Variants in GFRA2 observed in about 807,000 individuals in gnomAD.
GFRA2 encodes GDNF family receptor alpha-2.
GFRA2 carries 17 observed loss-of-function variants against 48.3 expected under a neutral mutation model. That is an observed-to-expected ratio of 0.35 (90% CI 0.24 to 0.53). The LOEUF (loss-of-function observed/expected upper bound fraction) is 0.53. GFRA2 is among the 20% of genes least tolerant of loss of function. The pLI is 0.93. For missense variants in GFRA2, 660 were observed against 637.3 expected (o/e 1.04, Z -0.38); for synonymous variants, 305 against 257.2 (o/e 1.19, Z -1.78).
intron 6 of GFRA2, among the ~76,000 whole-genome samples, chr8:21,704,307 C>G: frequency 6.6e-6 from 1 of 152,210 alleles, no homozygotes; most frequent in African/African-American, 2.4e-5. Flanking sequence ...CTGGGCTCCT[C>G]AAGAACCCTG....
chr8:21,776,139 G>A (rs1196205508), intron 2 of GFRA2, among the ~76,000 whole-genome samples: 1 of 152,078 alleles, frequency 6.6e-6, no homozygotes, highest in Non-Finnish European at 1.5e-5. Flanking sequence ...CACAGGTGGG[G>A]CAGCCTCTTC....
intron 4 of GFRA2, among the ~76,000 whole-genome samples, chr8:21,729,795 G>A (rs1687252766): frequency 6.6e-6 from 1 of 152,106 alleles, no homozygotes. Flanking sequence ...AGTCACCAGA[G>A]AACGACTCTC....
chr8:21,804,474 G>A (rs1949797139), intron 2 of GFRA2, among the ~76,000 whole-genome samples: 1 of 150,924 alleles, frequency 6.6e-6, no homozygotes, highest in Non-Finnish European at 1.5e-5. Context: ...ATATGCCCTA[G>A]GGATGATGCA....
chr8:21,739,821 A>T (rs1279205968), intron 4 of GFRA2, among the ~76,000 whole-genome samples: 4 of 152,218 alleles, frequency 2.6e-5, no homozygotes, highest in African/African-American at 9.6e-5. Context: ...GGAAGATTGA[A>T]AGCCGAAAAG....
chr8:21,746,857 G>A (rs11984516), intron 4 of GFRA2, among the ~76,000 whole-genome samples: 6,245 of 151,926 alleles, frequency 0.041, 422 homozygotes, highest in African/African-American at 0.14. Context: ...TGACACAGAC[G>A]TTCTCCAAGC....
At chr8:21,703,479 G>T (rs747976261) in intron 6 of GFRA2, among the ~76,000 whole-genome samples, 12 of 152,058 alleles carry the variant, frequency 7.9e-5, no homozygotes, top group Non-Finnish European at 1.6e-4. Flanking sequence ...TCCCTGGGTG[G>T]CCTCTGCTCC....
At chr8:21,695,047 A>T (rs1802089163) in intron 7 of GFRA2, among the ~76,000 whole-genome samples, 1 of 152,222 alleles carries the variant, frequency 6.6e-6, no homozygotes, top group South Asian at 2.1e-4. Context: ...GAAGAGAGGC[A>T]TGATTGATTA....
intron 3 of GFRA2, among the ~76,000 whole-genome samples, chr8:21,758,196 G>A (rs1490269538): frequency 2.4e-5 from 3 of 122,894 alleles, no homozygotes; most frequent in East Asian, 2.4e-4. Flanking sequence ...GCTGCCCTTG[G>A]CCCACTCCCC....
chr8:21,788,360 A>G lies in GFRA2; in HGVS notation c.-201T>C, dbSNP rs1246732062. 1 of 1,348,732 alleles carries G rather than the reference A, an allele frequency of 7.4e-7. No homozygotes were observed. The highest frequency in any genetic ancestry group is 9.5e-7 in the Non-Finnish European group (1 of 1,055,578). 83.5% of individuals were successfully genotyped at this position (1,348,732 alleles called of 1,614,324 possible). Reference sequence around the variant, plus strand: ...GAGGGGGTGGGGTGAGAGGCGGGCGATGGGCTGCTGCCTCTCGACGCCCCC... The same window carrying G: ...GAGGGGGTGGGGTGAGAGGCGGGCGGTGGGCTGCTGCCTCTCGACGCCCCC... On this transcript the variant is annotated 5_prime_UTR_variant, in exon 1 of 9. Transcript: ENST00000524240.
intron 4 of GFRA2, among the ~76,000 whole-genome samples, chr8:21,725,745 G>T (rs560119800): frequency 1.3e-5 from 2 of 152,356 alleles, no homozygotes; most frequent in Non-Finnish European, 2.9e-5. Context: ...CAGCTGGGAA[G>T]TGTGGGGCCT....
chr8:21,757,135 G>A (rs1385046044), intron 3 of GFRA2, among the ~76,000 whole-genome samples: 1 of 152,148 alleles, frequency 6.6e-6, no homozygotes, highest in African/African-American at 2.4e-5. Flanking sequence ...GGGGAGCGCA[G>A]CCAGCTGGGG....
At chr8:21,779,821 T>TC (rs1213693022) in intron 2 of GFRA2, 1 of 152,008 alleles carries the variant, frequency 6.6e-6, no homozygotes, top group Non-Finnish European at 1.5e-5. Context: ...TGGTCAGGGA[T>TC]CCCCCTCTAT....
chr8:21,708,327 A>T (rs947606477), intron 4 of GFRA2, among the ~76,000 whole-genome samples: 5 of 152,220 alleles, frequency 3.3e-5, no homozygotes, highest in Non-Finnish European at 5.9e-5. Flanking sequence ...TTAGATGTCA[A>T]AACCCACATC....
intron 4 of GFRA2, among the ~76,000 whole-genome samples, chr8:21,707,382 A>T (rs1245821005): frequency 1.3e-5 from 2 of 152,342 alleles, no homozygotes; most frequent in East Asian, 3.9e-4. Context: ...GCTGAGAGGG[A>T]CTGAGCCAGC....
In GFRA2 at chr8:21,788,498, C is replaced by A; in HGVS notation, c.-339G>T. The A allele has an allele frequency of 1.9e-6, 2 of 1,071,202 alleles. No individual in the cohort carries two copies. The highest frequency in any genetic ancestry group is 8.4e-5 in the South Asian group (2 of 23,778). The allele number at this position is 1,071,202 out of a possible 1,614,324, so 66.4% of individuals were successfully genotyped here. On this transcript the variant is annotated 5_prime_UTR_variant, in exon 1 of 9. Coordinates refer to ENST00000524240, the MANE Select transcript of GFRA2 (RefSeq NM_001495.5). ...TCGTCCGGGAAGGCGTGAGTCCCCG[C>A]GGGTCCAATTCCCCTGCGCTTCCCA...
At position 21,693,325 on chromosome 8, in the gene GFRA2, C is replaced by T; in HGVS notation, c.1348G>A (p.Ala450Thr). 7.4e-6 allele frequency: 12 copies of T among 1,613,646 alleles called. No individual in the cohort carries two copies. The highest frequency in any genetic ancestry group is 1.0e-5 in the Non-Finnish European group (12 of 1,179,724). ...AGGACAGACAGCACGGTCAAGGCAG[C>T]CGACGGTCTGGCTCTGCTGGGGCCT... is the stretch of plus-strand genomic sequence containing the variant. ...NSGPSRARPS[A>T]ALTVLSVLML... Residue 450 changes from alanine to threonine, a missense_variant, in exon 9 of 9, where the codon GCT (alanine) becomes ACT (threonine). Physicochemically the swap from Ala to Thr is moderately conservative, Grantham distance 58. Coordinates refer to ENST00000524240, the MANE Select transcript of GFRA2 (RefSeq NM_001495.5).
In GFRA2 at chr8:21,712,340, G is replaced by A. The variant is rs1479562472; in HGVS notation, c.795-6299C>T. On this transcript the variant is annotated intron_variant, in intron 4 of 8. Transcript: ENST00000524240. ...TCACCTCCCAGACGGGGTCGCGGCC[G>A]GGCAGAGGCGCTCCTCACATCCCAG... Among the ~76,000 whole-genome samples the A allele has an allele frequency of 4.6e-5, 7 of 151,860 alleles. No individual in the cohort carries two copies. The South Asian group carries it at 6.2e-4, about 14-fold the overall frequency.
chr8:21,705,254 A>C, intron 5 of GFRA2, 129 bp from the exon 6 acceptor site: 1 of 843,218 alleles, frequency 1.2e-6, no homozygotes, highest in Non-Finnish European at 1.8e-6. Flanking sequence ...CCCAAAACAC[A>C]CATCCATCCC....
chr8:21,705,164 G>T (rs779452267), intron 5 of GFRA2, 39 bp from the exon 6 acceptor site: 1 of 1,580,200 alleles, frequency 6.3e-7, no homozygotes, highest in African/African-American at 1.3e-5. Context: ...AGAGAGGTAC[G>T]GTGGGGCCTT....
Sources: allele counts gnomAD v4.1 joint callset (sites outside exome capture counted in the v4.1 genomes callset), GRCh38; gene constraint gnomAD v4.1.1; transcripts MANE v1.5; gene names NCBI Gene and HGNC (gene_info 2026-07-23, HGNC 2026-07-21).